Variants in KIT observed in about 807,000 individuals in gnomAD.
The protein encoded by KIT is mast/stem cell growth factor receptor Kit.
Under a neutral mutation model 105.7 loss-of-function variants are expected in KIT, and 16 were observed. That is an observed-to-expected ratio of 0.15 (90% CI 0.10 to 0.23). The LOEUF is 0.23. Ranked by LOEUF, KIT falls within the 10% of genes least tolerant of loss-of-function variation. The probability of loss-of-function intolerance (pLI) is 1.00; values close to 1 mark genes in which losing one functional copy is unlikely to be tolerated. For synonymous variants in KIT, 438 were observed against 441.1 expected (o/e 0.99, Z 0.09); for missense variants, 858 against 1,213.8 (o/e 0.71, Z 4.36).
intron 7 of KIT, among the ~76,000 whole-genome samples, chr4:54,714,806 G>A (rs1268491116): frequency 6.6e-6 from 1 of 152,162 alleles, no homozygotes; most frequent in African/African-American, 2.4e-5. Flanking sequence ...ACGAGCTTCA[G>A]CCAGTGCGGT....
At position 54,709,462 on chromosome 4, in the gene KIT, C is replaced by G. The variant is rs1721000055; in HGVS notation, c.1154C>G (p.Thr385Ser). 1 of 1,613,736 alleles carries G rather than the reference C, an allele frequency of 6.2e-7. No individual in the cohort carries two copies. Among genetic ancestry groups the G allele is most frequent in the Non-Finnish European group, 8.5e-7 (1 of 1,179,646 alleles). The change falls in exon 7 of 21, where the codon ACC becomes AGC. Residue 385 changes from threonine to serine, a missense_variant. Transcript: ENST00000288135. Reference sequence around the variant, plus strand: ...CTTCATCTAACGAGATTAAAAGGCACCGAAGGAGGCACTTACACATTCCTA... The same window carrying G: ...CTTCATCTAACGAGATTAAAAGGCAGCGAAGGAGGCACTTACACATTCCTA... The part of the protein sequence containing the change: ...SELHLTRLKG[T>S]EGGTYTFLVS...
intron 1 of KIT, among the ~76,000 whole-genome samples, chr4:54,693,529 G>A (rs1485915591): frequency 6.6e-6 from 1 of 152,132 alleles, no homozygotes; most frequent in African/African-American, 2.4e-5. Context: ...CAGGTCATAA[G>A]CAACCCACTG....
intron 1 of KIT, among the ~76,000 whole-genome samples, chr4:54,673,133 GTTGA>G (rs1335003131): frequency 1.3e-5 from 2 of 152,126 alleles, no homozygotes; most frequent in Non-Finnish European, 1.5e-5. Flanking sequence ...GCTGCTGTAG[GTTGA>G]TTATTTTTTT....
chr4:54,696,359 A>G (rs1167238189), intron 2 of KIT, among the ~76,000 whole-genome samples: 1 of 152,190 alleles, frequency 6.6e-6, no homozygotes, highest in Non-Finnish European at 1.5e-5. Flanking sequence ...TTCCTATGAC[A>G]AGTTCAGTGA....
chr4:54,724,138 C>T (rs181824886), intron 8 of KIT, among the ~76,000 whole-genome samples: 2 of 152,154 alleles, frequency 1.3e-5, no homozygotes, highest in Admixed American at 6.5e-5. Flanking sequence ...CATTTGCAAG[C>T]GACCGCTTTT....
At chr4:54,734,254 G>C in intron 17 of KIT, among the ~76,000 whole-genome samples, 1 of 152,166 alleles carries the variant, frequency 6.6e-6, no homozygotes, top group Non-Finnish European at 1.5e-5. Context: ...GCCGCCTCCA[G>C]GCCCAGTCTT....
At chr4:54,690,058 T>TGTG (rs1553886389) in intron 1 of KIT, among the ~76,000 whole-genome samples, 22 of 93,964 alleles carry the variant, frequency 2.3e-4, no homozygotes, top group African/African-American at 7.2e-4. Flanking sequence ...TTTTTTTTTG[T>TGTG]GGGGGGGGGG....
rs573802115 is a variant in KIT, at chr4:54,740,362, T to C, written c.*1805T>C. 4 of 233,474 alleles carry C rather than the reference T, an allele frequency of 1.7e-5. No individual in the cohort carries two copies. The highest frequency in any genetic ancestry group is 8.8e-5 in the African/African-American group (4 of 45,366). 14.5% of individuals were successfully genotyped at this position (233,474 alleles called of 1,614,324 possible). On this transcript the variant is annotated 3_prime_UTR_variant, in exon 21 of 21. Coordinates refer to ENST00000288135, the MANE Select transcript of KIT (RefSeq NM_000222.3). ...TAGTAAGAAAAGTGGTTGTTAGTTA[T>C]AGATGTCTAGGTACTTCAGGGGCAC...
At chr4:54,702,020 T>G (rs770191080) in intron 4 of KIT, among the ~76,000 whole-genome samples, 10 of 152,202 alleles carry the variant, frequency 6.6e-5, no homozygotes, top group African/African-American at 2.4e-4. Context: ...AAGTTAAGAC[T>G]AGTGATGCTC....
At chr4:54,734,905 T>C (rs1009069011) in intron 17 of KIT, among the ~76,000 whole-genome samples, 3 of 152,170 alleles carry the variant, frequency 2.0e-5, no homozygotes, top group Admixed American at 6.6e-5. Flanking sequence ...ATGAAGATAC[T>C]AAGTAAATTT....
chr4:54,692,578 G>A (rs1719785113), intron 1 of KIT, among the ~76,000 whole-genome samples: 1 of 152,124 alleles, frequency 6.6e-6, no homozygotes, highest in Non-Finnish European at 1.5e-5. Context: ...GAAATATTGG[G>A]TCAAATTTGC....
chr4:54,697,754 C>T (rs1470519040), intron 2 of KIT, among the ~76,000 whole-genome samples: 1 of 152,172 alleles, frequency 6.6e-6, no homozygotes, highest in East Asian at 1.9e-4. Flanking sequence ...TCTTTAGAAG[C>T]CGAAAGACTC....
intron 19 of KIT, 145 bp from the exon 20 acceptor site, chr4:54,737,030 A>G (rs979960954): frequency 1.8e-5 from 13 of 729,600 alleles, no homozygotes; most frequent in East Asian, 1.6e-4. Flanking sequence ...TATTTCATAC[A>G]TGCAGTGTTT....
chr4:54,667,895 C>G (rs1717817680), intron 1 of KIT, among the ~76,000 whole-genome samples: 1 of 152,096 alleles, frequency 6.6e-6, no homozygotes, highest in East Asian at 1.9e-4. Flanking sequence ...GTTTTTAAGT[C>G]CAAGGCTAAT....
intron 8 of KIT, among the ~76,000 whole-genome samples, chr4:54,725,141 C>T (rs112354925): frequency 6.6e-6 from 1 of 152,040 alleles, no homozygotes. Flanking sequence ...GTCTCACTCT[C>T]TTGCCCAGGC....
intron 1 of KIT, among the ~76,000 whole-genome samples, chr4:54,662,254 C>T (rs1220470423): frequency 6.6e-6 from 1 of 152,140 alleles, no homozygotes; most frequent in Non-Finnish European, 1.5e-5. Flanking sequence ...AGGAGACAGG[C>T]CGGCCTACCT....
At chr4:54,706,757 G>C (rs952734422) in intron 5 of KIT, among the ~76,000 whole-genome samples, 2 of 151,860 alleles carry the variant, frequency 1.3e-5, no homozygotes, top group Admixed American at 6.6e-5. Context: ...ATTATATATT[G>C]GGTCTGTGTA....
intron 7 of KIT, among the ~76,000 whole-genome samples, chr4:54,716,618 G>A (rs1028389734): frequency 6.6e-6 from 1 of 151,970 alleles, no homozygotes; most frequent in Non-Finnish European, 1.5e-5. Context: ...CATCATTTTG[G>A]CATCTCAGTG....
chr4:54,695,537 A>G lies in KIT; in HGVS notation c.93A>G (p.Pro31=). 2.5e-6 allele frequency: 4 copies of G among 1,614,206 alleles called. No individual in the cohort carries two copies. Among genetic ancestry groups the G allele is most frequent in the Non-Finnish European group, 2.5e-6 (3 of 1,180,046 alleles). The change falls in exon 2 of 21, where the codon CCA becomes CCG. Residue 31 remains proline (P), a synonymous_variant. Coordinates refer to ENST00000288135, the MANE Select transcript of KIT (RefSeq NM_000222.3). ...QTGSSQPSVS[P]GEPSPPSIHP... ...GCTCTTCTCAACCATCTGTGAGTCC[A>G]GGGGAACCGTCTCCACCATCCATCC...
Sources: allele counts gnomAD v4.1 joint callset (sites outside exome capture counted in the v4.1 genomes callset), GRCh38; gene constraint gnomAD v4.1.1; transcripts MANE v1.5; gene names NCBI Gene and HGNC (gene_info 2026-07-23, HGNC 2026-07-21).